Variants in CNKSR2 observed in about 807,000 individuals in gnomAD.
CNKSR2 encodes the protein CNK homolog protein 2.
CNKSR2 carries 14 observed loss-of-function variants against 84.4 expected under a neutral mutation model. The ratio of observed to expected loss-of-function variants is 0.17; its 90% CI spans 0.11 to 0.26. The LOEUF (loss-of-function observed/expected upper bound fraction) is 0.26, where lower values mean the gene tolerates loss of function less well. Among genes scored for constraint, CNKSR2 ranks in the 10% least tolerant of loss-of-function variants. CNKSR2 has a pLI of 1.00. For missense variants in CNKSR2, 485 were observed against 771.2 expected (o/e 0.63, Z 4.40); for synonymous variants, 275 against 277.9 (o/e 0.99, Z 0.10).
At chrX:21,399,644 A>T (rs2090163244) in intron 1 of CNKSR2, among the ~76,000 whole-genome samples, 1 of 111,599 alleles carries the variant, frequency 9.0e-6, no homozygotes, top group Admixed American at 9.6e-5. Flanking sequence ...AGGGGATCAG[A>T]ATAACCCCAT....
intron 1 of CNKSR2, among the ~76,000 whole-genome samples, chrX:21,387,553 G>A (rs1458085924): frequency 1.8e-5 from 2 of 111,943 alleles, no homozygotes; most frequent in Non-Finnish European, 1.9e-5. Context: ...TCACGCCACC[G>A]TCCATTCATT....
At chrX:21,460,045 G>T (rs2091042121) in intron 4 of CNKSR2, among the ~76,000 whole-genome samples, 2 of 111,238 alleles carry the variant, frequency 1.8e-5, no homozygotes, top group Non-Finnish European at 3.8e-5. Context: ...TCCTAAACAA[G>T]CATTGTCTGA....
intron 5 of CNKSR2, among the ~76,000 whole-genome samples, chrX:21,475,609 G>A (rs1033432139): frequency 1.6e-4 from 18 of 111,373 alleles, no homozygotes. Context: ...CCAGATGACT[G>A]AATAGAGATT....
chrX:21,598,384 T>A (rs777695673), intron 17 of CNKSR2, among the ~76,000 whole-genome samples: 4 of 111,507 alleles, frequency 3.6e-5, no homozygotes, highest in African/African-American at 1.3e-4. Context: ...TGGTAATTAT[T>A]ATTTATACAT....
At chrX:21,464,717 C>T (rs1286137054) in intron 4 of CNKSR2, among the ~76,000 whole-genome samples, 1 of 111,658 alleles carries the variant, frequency 9.0e-6, no homozygotes, top group African/African-American at 3.3e-5. Context: ...ACTCACATTG[C>T]TGTATATCAT....
At chrX:21,582,434 C>G (rs1190903813) in intron 13 of CNKSR2, among the ~76,000 whole-genome samples, 3 of 111,828 alleles carry the variant, frequency 2.7e-5, no homozygotes, top group African/African-American at 9.8e-5. Context: ...GTGCCAGAAG[C>G]ACTTTTTCTC....
intron 10 of CNKSR2, among the ~76,000 whole-genome samples, chrX:21,528,951 A>AT (rs1982950701): frequency 9.0e-6 from 1 of 111,020 alleles, no homozygotes; most frequent in Admixed American, 9.7e-5. Context: ...AGTCGTGATT[A>AT]TTTTTACAGA....
At chrX:21,561,430 A>G in intron 11 of CNKSR2, 41 bp from the exon 12 acceptor site, 1 of 1,041,834 alleles carries the variant, frequency 9.6e-7, no homozygotes, top group Non-Finnish European at 1.3e-6. Context: ...AGACATGGGG[A>G]AGAAAAACAA....
In CNKSR2 at chrX:21,641,429, T is replaced by G. The variant is rs2092691236; in HGVS notation, c.2693-7402T>G. ...GCCATATTTTTCTACTTTCTCTTCA[T>G]GGGTATTGCATGATGGTATTTCTAA... On this transcript the variant is annotated intron_variant, in intron 20 of 21. Transcript: ENST00000379510. The G allele has an allele frequency of 9.4e-6, 9 of 959,534 alleles. No homozygotes were observed. The Admixed American group carries it at 2.0e-4, about 21-fold the overall frequency. 79.1% of individuals were successfully genotyped at this position (959,534 alleles called of 1,213,427 possible).
chrX:21,555,117 T>G (rs746006354), intron 11 of CNKSR2, among the ~76,000 whole-genome samples: 1 of 110,697 alleles, frequency 9.0e-6, no homozygotes, highest in East Asian at 2.8e-4. Context: ...TTGAGCTTTT[T>G]TCCATATGAT....
chrX:21,643,689 G>T (rs2092698482), intron 20 of CNKSR2: 2 of 111,644 alleles, frequency 1.8e-5, no homozygotes, highest in Non-Finnish European at 3.8e-5. Flanking sequence ...AGTAATGTTT[G>T]TGTATTGTTA....
Position 21,652,453 on chromosome X carries a change from T to G in CNKSR2, c.3037T>G (p.Ser1013Ala), listed in dbSNP as rs747182701. The change falls in exon 22 of 22, where the codon TCT becomes GCT. Residue 1013 changes from serine (S) to alanine (A), a missense_variant. Around this residue, in one of 5 missense-constraint regions of CNKSR2, gnomAD observed 210 missense variants for 291.5 expected, o/e 0.72. Transcript: ENST00000379510. ...CACCTCAAATGACCCACTGAGTATT[T>G]CTTCTGAAGTAGATGTAATCACTTC... ...NTTSNDPLSI[S>A]SEVDVITSSL... The G allele has an allele frequency of 4.1e-6, 5 of 1,210,394 alleles. No individual in the cohort carries two copies. The highest frequency in any genetic ancestry group is 5.6e-6 in the Non-Finnish European group (5 of 894,219).
rs1286864759 is a variant in CNKSR2, at chrX:21,374,891, C to G, written c.-7C>G. On this transcript the variant is annotated 5_prime_UTR_variant, in exon 1 of 22. Transcript: ENST00000379510. ...TCTGCGCTCTGCACGGAACCGACCC[C>G]GTACCCATGGCTCTGATAATGGAAC... 1.7e-6 allele frequency: 2 copies of G among 1,206,656 alleles called. No individual in the cohort carries two copies. The highest frequency in any genetic ancestry group is 3.5e-5 in the African/African-American group (2 of 57,396).
At chrX:21,417,173 C>T (rs1467115986) in intron 1 of CNKSR2, among the ~76,000 whole-genome samples, 1 of 111,647 alleles carries the variant, frequency 9.0e-6, no homozygotes, top group Non-Finnish European at 1.9e-5. Context: ...TTCATTGATC[C>T]ACTTGTCATT....
At position 21,618,807 on chromosome X, in the gene CNKSR2, T is replaced by G. The variant is rs2092589401; in HGVS notation, c.2692+9190T>G. Among the ~76,000 whole-genome samples the G allele has an allele frequency of 4.5e-5, 5 of 111,937 alleles. No individual in the cohort carries two copies. In the Admixed American group the frequency reaches 4.8e-4, roughly 11 times the overall value. ...ATGCATTCATGCATTCAACATGCATTTGTTTATTTTTCTACACACAGGGTA... is the reference window on the plus strand; with the variant it reads ...ATGCATTCATGCATTCAACATGCATGTGTTTATTTTTCTACACACAGGGTA... On this transcript the variant is annotated intron_variant, in intron 20 of 21. Coordinates refer to ENST00000379510, the MANE Select transcript of CNKSR2 (RefSeq NM_014927.5).
rs180749982 is a variant in CNKSR2, at chrX:21,541,046, G to A, written c.1303+8979G>A. On this transcript the variant is annotated intron_variant, in intron 11 of 21. Transcript: ENST00000379510. ...TGCCCAGGCTGGAGTGCAGTGGCAC[G>A]ATCTCGGCTCACTGCAACCTCCACT... Among the ~76,000 whole-genome samples the A allele has an allele frequency of 4.4e-3, 483 of 108,714 alleles. 4 individuals carry two copies. Among genetic ancestry groups the A allele is most frequent in the African/African-American group, 0.014 (430 of 29,774 alleles). 94.4% of individuals were successfully genotyped at this position (108,714 alleles called of 115,157 possible).
intron 20 of CNKSR2, among the ~76,000 whole-genome samples, chrX:21,628,312 C>T (rs1336911971): frequency 1.8e-5 from 2 of 111,432 alleles, no homozygotes; most frequent in Non-Finnish European, 3.8e-5. Flanking sequence ...CTTTTCCAGG[C>T]TCACTGTGCA....
chrX:21,548,060 T>G (rs958628191), intron 11 of CNKSR2, among the ~76,000 whole-genome samples: 10 of 110,685 alleles, frequency 9.0e-5, no homozygotes, highest in African/African-American at 3.0e-4. Flanking sequence ...CTAGCAGAAG[T>G]CAAGAAATAA....
chrX:21,445,906 C>T (rs1317290009), intron 4 of CNKSR2, among the ~76,000 whole-genome samples: 1 of 111,502 alleles, frequency 9.0e-6, no homozygotes, highest in Non-Finnish European at 1.9e-5. Context: ...CTGTAGTAAA[C>T]ATAGAGATGC....
Sources: gnomAD v4.1 joint callset for allele counts (sites outside exome capture counted in the v4.1 genomes callset) on GRCh38, gnomAD v4.1.1 for gene constraint, gnomAD v4.1.1 regional missense constraint, MANE v1.5 for transcripts, NCBI Gene and HGNC (gene_info 2026-07-23, HGNC 2026-07-21) for gene names.